KCNK2: variants seen among roughly 807,000 people sequenced by gnomAD.
KCNK2 encodes the protein potassium two pore domain channel subfamily K member 2, also known as potassium channel subfamily K member 2.
Under a neutral mutation model 40.5 loss-of-function variants are expected in KCNK2, and 21 were observed. The observed-to-expected ratio is 0.52, with a 90% confidence interval of 0.37 to 0.75. The LOEUF is 0.75. KCNK2 is among the 30% of genes least tolerant of loss of function. KCNK2 has a pLI of 0.00. For synonymous variants in KCNK2, 191 were observed against 202.2 expected (o/e 0.94, Z 0.47); for missense variants, 399 against 531.6 (o/e 0.75, Z 2.45).
chr1:215,089,487 T>C (rs1246314229), intron 2 of KCNK2, among the ~76,000 whole-genome samples: 1 of 152,144 alleles, frequency 6.6e-6, no homozygotes. Context: ...GGCATTAGGT[T>C]ATTAATTACT....
chr1:215,032,881 A>G (rs7519026), intron 1 of KCNK2, among the ~76,000 whole-genome samples: 11,770 of 151,968 alleles, frequency 0.077, 521 homozygotes, highest in Middle Eastern at 0.14. Flanking sequence ...TTTATCTTGA[A>G]TGGTGTTCTC....
chr1:215,185,498 G>C (rs1451530954), intron 5 of KCNK2, among the ~76,000 whole-genome samples: 4 of 152,066 alleles, frequency 2.6e-5, no homozygotes, highest in African/African-American at 9.7e-5. Context: ...AAAGGATCTT[G>C]GAAAAGAATT....
At chr1:215,226,353 G>A (rs894537329) in intron 6 of KCNK2, among the ~76,000 whole-genome samples, 6 of 152,102 alleles carry the variant, frequency 3.9e-5, no homozygotes, top group African/African-American at 9.7e-5. Flanking sequence ...TTGAGACAGC[G>A]TCTCACTCTG....
chr1:215,234,962 G>C lies in KCNK2; in HGVS notation c.1098G>C (p.Ser366=). The change falls in exon 7 of 7, where the codon TCG becomes TCC. Residue 366 remains serine, a synonymous_variant. Coordinates refer to ENST00000444842, the MANE Select transcript of KCNK2 (RefSeq NM_001017425.3). ...CCACCTCCATCAAGCGGAAGCTCTC[G>C]GCAGAACTGGCTGGAAACCACAATC... ...QRATSIKRKL[S]AELAGNHNQE... The C allele has an allele frequency of 6.2e-7, 1 of 1,613,962 alleles. No homozygotes were observed. Among genetic ancestry groups the C allele is most frequent in the South Asian group, 1.1e-5 (1 of 91,066 alleles).
chr1:215,110,673 A>G (rs1162600144), intron 2 of KCNK2, among the ~76,000 whole-genome samples: 3 of 152,016 alleles, frequency 2.0e-5, no homozygotes, highest in East Asian at 3.9e-4. Context: ...TTAAAATTTA[A>G]TATACTATTT....
intron 3 of KCNK2, among the ~76,000 whole-genome samples, chr1:215,142,951 G>A (rs573077464): frequency 6.6e-6 from 1 of 152,210 alleles, no homozygotes; most frequent in East Asian, 1.9e-4. Flanking sequence ...AGAGATTACA[G>A]AAAGGGGAAA....
intron 6 of KCNK2, among the ~76,000 whole-genome samples, chr1:215,208,734 C>G (rs1665424000): frequency 6.6e-6 from 1 of 152,024 alleles, no homozygotes; most frequent in African/African-American, 2.4e-5. Context: ...AAATTGGAAA[C>G]TGTGAGTATA....
At chr1:215,208,155 C>A (rs1665398115) in intron 6 of KCNK2, among the ~76,000 whole-genome samples, 1 of 152,128 alleles carries the variant, frequency 6.6e-6, no homozygotes, top group South Asian at 2.1e-4. Flanking sequence ...GATACATATA[C>A]ACCATAGAAT....
chr1:215,190,397 G>A (rs1571711679), intron 5 of KCNK2, among the ~76,000 whole-genome samples: 1 of 152,130 alleles, frequency 6.6e-6, no homozygotes, highest in Non-Finnish European at 1.5e-5. Context: ...GAGCAAAATA[G>A]GTTGGTGGAT....
At chr1:215,112,512 G>T (rs1282538995) in intron 2 of KCNK2, among the ~76,000 whole-genome samples, 2 of 152,098 alleles carry the variant, frequency 1.3e-5, no homozygotes, top group Non-Finnish European at 2.9e-5. Flanking sequence ...AGGCTAATTT[G>T]TTATTGAAGA....
intron 2 of KCNK2, among the ~76,000 whole-genome samples, chr1:215,102,023 T>C (rs1450867699): frequency 3.3e-5 from 5 of 152,064 alleles, no homozygotes; most frequent in African/African-American, 4.8e-5. Flanking sequence ...TAGTTGTGCG[T>C]ATCTTGGGTG....
chr1:215,157,169 G>A (rs774292694), intron 3 of KCNK2, among the ~76,000 whole-genome samples: 1 of 152,152 alleles, frequency 6.6e-6, no homozygotes, highest in South Asian at 2.1e-4. Flanking sequence ...ATCTATTAAA[G>A]ATAATTTCAA....
At chr1:215,100,323 T>C (rs1660155680) in intron 2 of KCNK2, among the ~76,000 whole-genome samples, 1 of 151,946 alleles carries the variant, frequency 6.6e-6, no homozygotes, top group Admixed American at 6.6e-5. Flanking sequence ...AGCACAATTA[T>C]TAGATGAATT....
At chr1:215,043,256 A>G (rs899979947) in intron 1 of KCNK2, among the ~76,000 whole-genome samples, 7 of 152,200 alleles carry the variant, frequency 4.6e-5, no homozygotes, top group Non-Finnish European at 7.4e-5. Flanking sequence ...TCAAAAAACT[A>G]TACATAGGAT....
intron 1 of KCNK2, among the ~76,000 whole-genome samples, chr1:215,048,982 G>T (rs1657883700): frequency 6.6e-6 from 1 of 152,194 alleles, no homozygotes; most frequent in South Asian, 2.1e-4. Flanking sequence ...TTAGGTGTTT[G>T]TGAGCATGTA....
intron 1 of KCNK2, among the ~76,000 whole-genome samples, chr1:215,015,873 C>T: frequency 6.6e-6 from 1 of 152,056 alleles, no homozygotes; most frequent in East Asian, 1.9e-4. Flanking sequence ...AATACCAATA[C>T]CAGGGCAGAG....
chr1:215,186,122 G>T (rs137890272), intron 5 of KCNK2, among the ~76,000 whole-genome samples: 6 of 152,246 alleles, frequency 3.9e-5, no homozygotes, highest in African/African-American at 1.4e-4. Flanking sequence ...TATGATAAGA[G>T]AACATGACGA....
At chr1:215,118,062 T>C (rs1661025290) in intron 2 of KCNK2, among the ~76,000 whole-genome samples, 4 of 152,154 alleles carry the variant, frequency 2.6e-5, no homozygotes, top group Admixed American at 2.6e-4. Flanking sequence ...TTCCTCATTG[T>C]TTCAAACCTG....
chr1:215,033,586 A>G (rs1173067443), intron 1 of KCNK2, among the ~76,000 whole-genome samples: 3 of 152,142 alleles, frequency 2.0e-5, no homozygotes, highest in Non-Finnish European at 1.5e-5. Flanking sequence ...TGTGCTTCCA[A>G]CTGTGACTGT....
Sources: allele counts gnomAD v4.1 joint callset (sites outside exome capture counted in the v4.1 genomes callset), GRCh38; gene constraint gnomAD v4.1.1; transcripts MANE v1.5; gene names NCBI Gene and HGNC (gene_info 2026-07-23, HGNC 2026-07-21).